The following CHKB variants were observed in gnomAD, a reference collection of about 807,000 sequenced individuals.
CHKB encodes choline kinase beta, also known as choline/ethanolamine kinase.
CHKB carries 45 observed loss-of-function variants against 57.3 expected under a neutral mutation model. The ratio of observed to expected loss-of-function variants is 0.79; its 90% CI spans 0.62 to 1.01. The LOEUF is 1.01. CHKB is among the 50% of genes least tolerant of loss of function. The probability of loss-of-function intolerance (pLI) is 0.00; values close to 1 mark genes in which losing one functional copy is unlikely to be tolerated. For missense variants in CHKB, 517 were observed against 502.8 expected, an observed-to-expected ratio of 1.03 and a Z score of -0.27; for synonymous variants, 224 against 201.8, an observed-to-expected ratio of 1.11 and a Z score of -0.93.
At chr22:50,579,855 G>C (rs2070643413) in intron 8 of CHKB, 25 bp from the exon 9 acceptor site, 2 of 1,605,930 alleles carry the variant, frequency 1.2e-6, no homozygotes, top group Non-Finnish European at 1.7e-6. Context: ...CAAGAGTCAG[G>C]AATTGGGGAG....
chr22:50,580,715 C>CT, intron 4 of CHKB, 55 bp from the exon 5 acceptor site: 1 of 1,510,532 alleles, frequency 6.6e-7, no homozygotes, highest in African/African-American at 1.4e-5. Context: ...CACCCCTCGC[C>CT]TATCTACCCC....
At chr22:50,579,391 C>A in intron 10 of CHKB, 35 bp downstream of exon 10, 1 of 1,601,476 alleles carries the variant, frequency 6.2e-7, no homozygotes. Context: ...CTCCCCAGCC[C>A]CCCAGCTAGC....
chr22:50,579,784 G>GTC lies in CHKB; in HGVS notation c.972_973dup (p.Thr325ArgfsTer17), dbSNP rs747747221. ...TTTTCTCTGCTCCTCTTGGGAGAGG[G>GTC]TCTCACCTTTCTTTGCCTCTGCCAG... is the stretch of plus-strand genomic sequence containing the variant. On this transcript the variant is annotated frameshift_variant, in exon 9 of 11. Transcript: ENST00000406938. LOFTEE classifies it high-confidence loss of function. 6.2e-7 allele frequency: 1 copy of GTC among 1,614,020 alleles called. No individual in the cohort carries two copies. The highest frequency in any genetic ancestry group is 1.1e-5 in the South Asian group (1 of 91,078).
rs1049720704 is a variant in CHKB at position 50,580,603 on chromosome 22, C to T, written c.639G>A (p.Leu213=). The change falls in exon 5 of 11, where the codon CTG becomes CTA. Residue 213 remains leucine, a synonymous_variant. Transcript: ENST00000406938. ...TCTCATCCTTCAGGCTGTACATCTC[C>T]AGCAGGTTCATCTCAGGGAGGCCAG... ...PPTGLPEMNL[L]EMYSLKDEMG... The T allele has an allele frequency of 6.2e-7, 1 of 1,614,108 alleles. No homozygotes were observed. The highest frequency in any genetic ancestry group is 1.7e-5 in the Admixed American group (1 of 60,018).
chr22:50,582,641 G>A lies in CHKB; in HGVS notation c.141C>T (p.Arg47=). Residue 47 remains arginine, a synonymous_variant, in exon 1 of 11, where the codon CGC becomes CGT. Transcript: ENST00000406938. Reference sequence around the variant, plus strand: ...ACTCCCGGCACCATTGGTAGGCTCGGCGCTCGGCGTCACGCGACAGCGACG... The same window carrying A: ...ACTCCCGGCACCATTGGTAGGCTCGACGCTCGGCGTCACGCGACAGCGACG... The part of the protein sequence containing the change: ...RASSLSRDAE[R]RAYQWCREYL... 1 of 1,610,994 alleles carries A rather than the reference G, an allele frequency of 6.2e-7. No individual in the cohort carries two copies. The highest frequency in any genetic ancestry group is 8.5e-7 in the Non-Finnish European group (1 of 1,179,406).
At chr22:50,579,295 G>T in intron 10 of CHKB, 40 bp from the exon 11 acceptor site, 1 of 1,604,696 alleles carries the variant, frequency 6.2e-7, no homozygotes, top group Non-Finnish European at 8.5e-7. Flanking sequence ...GTGAGAAGAC[G>T]TGGGACCAGC....
At chr22:50,579,378 C>T (rs1392996789) in intron 10 of CHKB, 48 bp downstream of exon 10, 1 of 1,591,600 alleles carries the variant, frequency 6.3e-7, no homozygotes, top group Non-Finnish European at 8.6e-7. Context: ...GTGGCTGCTG[C>T]TGCTCCCCAG....
intron 10 of CHKB, 70 bp from the exon 11 acceptor site, chr22:50,579,325 C>A: frequency 6.3e-7 from 1 of 1,586,762 alleles, no homozygotes; most frequent in Non-Finnish European, 8.6e-7. Flanking sequence ...CCACCTCAGG[C>A]TGCCCACAGC....
Position 50,581,548 on chromosome 22 carries a change from C to T in CHKB, c.453G>A (p.Arg151=). The part of the protein sequence containing the change: ...EGRLEQYIPS[R]PLKTQELREP... ...CTCGAAGCTCTTGAGTTTTCAATGGCCGACTCTGCACCCAGGAAGCTATCA... is the reference window on the plus strand; with the variant it reads ...CTCGAAGCTCTTGAGTTTTCAATGGTCGACTCTGCACCCAGGAAGCTATCA... The change falls in exon 4 of 11, where the codon CGG becomes CGA. Residue 151 remains arginine, a synonymous_variant. Coordinates refer to ENST00000406938, the MANE Select transcript of CHKB (RefSeq NM_005198.5). The T allele has an allele frequency of 5.0e-6, 8 of 1,613,928 alleles. No individual in the cohort carries two copies. The highest frequency in any genetic ancestry group is 6.8e-6 in the Non-Finnish European group (8 of 1,180,022).
Position 50,579,845 on chromosome 22 carries a change from CAA to C in CHKB, c.928-17_928-16del. The C allele has an allele frequency of 9.3e-6, 15 of 1,611,214 alleles. No homozygotes were observed. Among genetic ancestry groups the C allele is most frequent in the Non-Finnish European group, 1.2e-5 (14 of 1,177,876 alleles). On this transcript the variant is annotated splice_polypyrimidine_tract_variant and intron_variant, in intron 8 of 10. Transcript: ENST00000406938. ...ATAAAATGCAACTACGATCAATGGC[CAA>C]GAGTCAGGAATTGGGGAGACTGTGG... is the stretch of plus-strand genomic sequence containing the variant.
At chr22:50,580,459 G>C in intron 5 of CHKB, 43 bp from the exon 6 acceptor site, 1 of 1,612,554 alleles carries the variant, frequency 6.2e-7, no homozygotes, top group Middle Eastern at 1.7e-4. Context: ...GGAGTGACTA[G>C]AGGAGGATCA....
rs2070641095 is a variant in CHKB, at chr22:50,579,812, A to G, written c.946T>C (p.Tyr316His). Residue 316 changes from tyrosine to histidine, a missense_variant, in exon 9 of 11, where the codon TAC becomes CAC. Transcript: ENST00000406938. ...QEQQLHFIRH[Y>H]LAEAKKGETL... ...TCACCTTTCTTTGCCTCTGCCAGGTAATGACGAATAAAATGCAACTACGAT... is the reference window on the plus strand; with the variant it reads ...TCACCTTTCTTTGCCTCTGCCAGGTGATGACGAATAAAATGCAACTACGAT... The G allele has an allele frequency of 6.2e-7, 1 of 1,613,752 alleles. No individual in the cohort carries two copies. The highest frequency in any genetic ancestry group is 8.5e-7 in the Non-Finnish European group (1 of 1,179,962).
Position 50,579,519 on chromosome 22 carries a change from G to A in CHKB, c.1032-12C>T, listed in dbSNP as rs2070628611. On this transcript the variant is annotated splice_polypyrimidine_tract_variant and intron_variant, in intron 9 of 10. Coordinates refer to ENST00000406938, the MANE Select transcript of CHKB (RefSeq NM_005198.5). ...ATGCCAGAGCATACCTGGGGGGAGG[G>A]CAGGAAAAGGAGGGGCATTCAAGAG... 6.2e-7 allele frequency: 1 copy of A among 1,612,782 alleles called. No individual in the cohort carries two copies. Among genetic ancestry groups the A allele is most frequent in the Admixed American group, 1.7e-5 (1 of 59,940 alleles).
chr22:50,581,348 G>GC, intron 4 of CHKB, 72 bp downstream of exon 4: 1 of 1,589,448 alleles, frequency 6.3e-7, no homozygotes, highest in Non-Finnish European at 8.6e-7. Context: ...GCTGGATAGA[G>GC]CCCCCGACAC....
Position 50,582,467 on chromosome 22 carries a change from G to C in CHKB, c.224+91C>G, listed in dbSNP as rs552799306. On this transcript the variant is annotated intron_variant, in intron 1 of 10. Coordinates refer to ENST00000406938, the MANE Select transcript of CHKB (RefSeq NM_005198.5). ...CCCCGCCCCAGGCGCGGGCGCAAGAGGGGGGCGAAAACATGGAGCATCCTG... is the reference window on the plus strand; with the variant it reads ...CCCCGCCCCAGGCGCGGGCGCAAGACGGGGGCGAAAACATGGAGCATCCTG... 85 of 1,479,372 alleles carry C rather than the reference G, an allele frequency of 5.7e-5. No individual in the cohort carries two copies. In the East Asian group the frequency reaches 1.8e-3, roughly 32 times the overall value. 91.6% of individuals were successfully genotyped at this position (1,479,372 alleles called of 1,614,324 possible).
intron 2 of CHKB, 31 bp from the exon 3 acceptor site, chr22:50,581,893 G>A (rs764498952): frequency 1.3e-6 from 2 of 1,590,746 alleles, no homozygotes; most frequent in African/African-American, 1.3e-5. Context: ...AAGGGGCCAA[G>A]GCAAAGTGGC....
In CHKB at chr22:50,580,285, G is replaced by T; in HGVS notation, c.737-14C>A. 6.2e-7 allele frequency: 1 copy of T among 1,613,978 alleles called. No individual in the cohort carries two copies. Reference sequence around the variant, plus strand: ...GCAAGATGTTCCCTGGGGGAATGGGGTGAGGTTCTGCTCACTCCAGAGCCC... The same window carrying T: ...GCAAGATGTTCCCTGGGGGAATGGGTTGAGGTTCTGCTCACTCCAGAGCCC... On this transcript the variant is annotated splice_polypyrimidine_tract_variant and intron_variant, in intron 6 of 10. Coordinates refer to ENST00000406938, the MANE Select transcript of CHKB (RefSeq NM_005198.5).
chr22:50,582,225 C>CT, intron 2 of CHKB, 24 bp downstream of exon 2: 1 of 1,552,732 alleles, frequency 6.4e-7, no homozygotes, highest in Non-Finnish European at 8.7e-7. Context: ...GCCACTGGTG[C>CT]TGCGGCGCTC....
rs1430359655 is a variant in CHKB, at chr22:50,582,805, G to A, written c.-24C>T. On this transcript the variant is annotated 5_prime_UTR_variant, in exon 1 of 11. Coordinates refer to ENST00000406938, the MANE Select transcript of CHKB (RefSeq NM_005198.5). Reference sequence around the variant, plus strand: ...ATGGCGCGGGCTCGACCGGGCCCCAGGCCAGGCTGCGCTCCGCTCCCTTCG... The same window carrying A: ...ATGGCGCGGGCTCGACCGGGCCCCAAGCCAGGCTGCGCTCCGCTCCCTTCG... 8 of 1,541,446 alleles carry A rather than the reference G, an allele frequency of 5.2e-6. No homozygotes were observed. The highest frequency in any genetic ancestry group is 7.0e-6 in the Non-Finnish European group (8 of 1,145,510).
Sources: allele counts gnomAD v4.1 joint callset, GRCh38; gene constraint gnomAD v4.1.1; transcripts MANE v1.5; gene names NCBI Gene and HGNC (gene_info 2026-07-23, HGNC 2026-07-21).